The following SPMIP11 variants were observed in gnomAD, a reference collection of about 807,000 sequenced individuals.
SPMIP11 encodes the protein long intergenic non-protein coding RNA 935.
At chr12:48,733,072 C>CTTTTTT in the SPMIP11 span, among the ~76,000 whole-genome samples, 6 of 110,830 alleles carry the variant, frequency 5.4e-5, no homozygotes, top group East Asian at 2.9e-4. Flanking sequence ...ACAAGTTAAT[C>CTTTTTT]TTTTTTTTTT....
the SPMIP11 span, among the ~76,000 whole-genome samples, chr12:48,733,372 G>C: frequency 6.6e-6 from 1 of 152,068 alleles, no homozygotes; most frequent in Non-Finnish European, 1.5e-5. Flanking sequence ...ACCAAGCCCA[G>C]CTCACATAGT....
chr12:48,748,636 C>G, the SPMIP11 span, among the ~76,000 whole-genome samples: 1 of 152,144 alleles, frequency 6.6e-6, no homozygotes, highest in African/African-American at 2.4e-5. Flanking sequence ...CATTCACTCT[C>G]CTAGTCTCCT....
chr12:48,763,899 A>G, the SPMIP11 span, among the ~76,000 whole-genome samples: 371 of 152,016 alleles, frequency 2.4e-3, 3 homozygotes, highest in African/African-American at 8.2e-3. Flanking sequence ...GCTGGTCTCA[A>G]ACTTCTGACC....
At chr12:48,748,572 C>T in the SPMIP11 span, among the ~76,000 whole-genome samples, 1 of 151,830 alleles carries the variant, frequency 6.6e-6, no homozygotes. Flanking sequence ...TCTTGTTGTC[C>T]GCTTGAGTTT....
At chr12:48,765,681 A>G in the SPMIP11 span, 2 of 702,848 alleles carry the variant, frequency 2.8e-6, no homozygotes, top group Non-Finnish European at 5.2e-6. Flanking sequence ...GAAAGACAAG[A>G]TGAATTGTGG....
chr12:48,768,588 C>G, the SPMIP11 span: 1 of 1,614,140 alleles, frequency 6.2e-7, no homozygotes. Context: ...TGGCTGGGCC[C>G]TGTTAACTGC....
the SPMIP11 span, among the ~76,000 whole-genome samples, chr12:48,729,810 A>C: frequency 2.0e-5 from 3 of 151,700 alleles, no homozygotes; most frequent in Non-Finnish European, 4.4e-5. Context: ...CTGTTTTACT[A>C]TCCAGCTTCC....
chr12:48,731,988 A>G, the SPMIP11 span, among the ~76,000 whole-genome samples: 4 of 152,096 alleles, frequency 2.6e-5, no homozygotes, highest in Non-Finnish European at 5.9e-5. Flanking sequence ...GTCTCTACTA[A>G]AAATACAAAA....
chr12:48,749,753 C>A, the SPMIP11 span, among the ~76,000 whole-genome samples: 2 of 145,644 alleles, frequency 1.4e-5, no homozygotes, highest in South Asian at 2.2e-4. Context: ...GTGCAGTGGC[C>A]CAACCTCAGC....
At chr12:48,731,873 G>T in the SPMIP11 span, among the ~76,000 whole-genome samples, 2 of 152,052 alleles carry the variant, frequency 1.3e-5, no homozygotes, top group African/African-American at 2.4e-5. Context: ...CTTTGGCCAG[G>T]CGCAATGGCT....
At chr12:48,761,756 A>C in the SPMIP11 span, among the ~76,000 whole-genome samples, 1 of 121,442 alleles carries the variant, frequency 8.2e-6, no homozygotes, top group Admixed American at 1.0e-4. Context: ...ATAGGGTCTC[A>C]CTCTGTTGCC....
At chr12:48,739,005 C>A in the SPMIP11 span, among the ~76,000 whole-genome samples, 2 of 151,698 alleles carry the variant, frequency 1.3e-5, no homozygotes, top group Non-Finnish European at 2.9e-5. Context: ...TTCCAAGGAC[C>A]ATTTTTGGTC....
chr12:48,739,567 G>A, the SPMIP11 span, among the ~76,000 whole-genome samples: 8 of 152,214 alleles, frequency 5.3e-5, no homozygotes, highest in South Asian at 4.2e-4. Context: ...AGGCTGTACA[G>A]GACGCATAGC....
At chr12:48,752,956 G>A in the SPMIP11 span, among the ~76,000 whole-genome samples, 1 of 152,154 alleles carries the variant, frequency 6.6e-6, no homozygotes, top group African/African-American at 2.4e-5. Context: ...ACAGGCATAA[G>A]CCACTGTGCC....
chr12:48,735,436 C>T, the SPMIP11 span, among the ~76,000 whole-genome samples: 1 of 151,744 alleles, frequency 6.6e-6, no homozygotes. Flanking sequence ...GGTGAAACAC[C>T]CTCTCTACTA....
the SPMIP11 span, among the ~76,000 whole-genome samples, chr12:48,739,800 C>T: frequency 4.6e-5 from 7 of 152,194 alleles, no homozygotes; most frequent in Non-Finnish European, 8.8e-5. Context: ...CCTCCTCCAA[C>T]ACTGGAGATT....
chr12:48,742,493 G>T, the SPMIP11 span, among the ~76,000 whole-genome samples: 1 of 151,496 alleles, frequency 6.6e-6, no homozygotes, highest in Non-Finnish European at 1.5e-5. Context: ...TGTTGGTCAG[G>T]CTGGTCTCAA....
chr12:48,734,477 C>A, the SPMIP11 span, among the ~76,000 whole-genome samples: 1 of 152,134 alleles, frequency 6.6e-6, no homozygotes, highest in Non-Finnish European at 1.5e-5. Context: ...TTATACCACA[C>A]ACTTTCCATC....
chr12:48,745,097 C>T, the SPMIP11 span, among the ~76,000 whole-genome samples: 2 of 151,954 alleles, frequency 1.3e-5, no homozygotes, highest in South Asian at 2.1e-4. Flanking sequence ...GGTGAAACCC[C>T]GTCTCTACTA....
Sources: gnomAD v4.1 joint callset for allele counts (sites outside exome capture counted in the v4.1 genomes callset) on GRCh38, gnomAD v4.1.1 for gene constraint, MANE v1.5 for transcripts, NCBI Gene and HGNC (gene_info 2026-07-23, HGNC 2026-07-21) for gene names.